The following MADD variants were observed in gnomAD, a reference collection of about 807,000 sequenced individuals.
MADD encodes MAP kinase activating death domain, also known as MAP kinase-activating death domain protein.
Under a neutral mutation model 176.7 loss-of-function variants are expected in MADD, and 109 were observed. The observed-to-expected ratio is 0.62, with a 90% CI of 0.53 to 0.72. The LOEUF is 0.72. Among genes scored for constraint, MADD ranks in the 30% least tolerant of loss-of-function variants. The pLI is 0.00. For missense variants in MADD, 1,914 were observed against 2,045.5 expected (o/e 0.94, Z 1.24); for synonymous variants, 771 against 771.3 (o/e 1.00, Z 0.01).
chr11:47,322,613 AAAG>A (rs1159039184), intron 27 of MADD, among the ~76,000 whole-genome samples: 8 of 152,284 alleles, frequency 5.3e-5, no homozygotes, highest in South Asian at 4.1e-4. Flanking sequence ...TCCGTCTCAA[AAAG>A]AAGAACAGAT....
At chr11:47,280,667 C>T (rs1199029778) in intron 7 of MADD, among the ~76,000 whole-genome samples, 2 of 152,160 alleles carry the variant, frequency 1.3e-5, no homozygotes, top group Non-Finnish European at 2.9e-5. Flanking sequence ...CAAGTTCAAG[C>T]GAATCTCTTG....
At chr11:47,326,519 C>T in intron 30 of MADD, 25 bp from the exon 34 acceptor site, 2 of 1,367,118 alleles carry the variant, frequency 1.5e-6, no homozygotes, top group Non-Finnish European at 1.9e-6. Flanking sequence ...CTTCATTTCT[C>T]TCCCATGCTT....
Position 47,293,905 on chromosome 11 carries a change from CTT to C in MADD, c.3326_3327del (p.Phe1109Ter), listed in dbSNP as rs745377729. The stretch of plus-strand genomic sequence containing the variant: ...CAGGGCCTGAAGTAATCAAACCTGT[CTT>C]TGACCTTGGTGAGACAGAGGAGAAA... On this transcript the variant is annotated frameshift_variant, in exon 20 of 33. Transcript: ENST00000402192. LOFTEE classifies it high-confidence loss of function. 2 of 1,613,966 alleles carry C rather than the reference CTT, an allele frequency of 1.2e-6. No homozygotes were observed. The highest frequency in any genetic ancestry group is 3.3e-5 in the Admixed American group (2 of 60,006).
At chr11:47,275,040 C>G (rs746204558) in exon 3 of MADD, 9 of 1,614,260 alleles carry the variant, frequency 5.6e-6, no homozygotes, top group Non-Finnish European at 7.6e-6. Context: ...TGTGCGTGCT[C>G]AGCCACTACC....
chr11:47,316,157 GCGCGCACACACA>G (rs954268523), intron 27 of MADD, among the ~76,000 whole-genome samples: 10 of 127,492 alleles, frequency 7.8e-5, no homozygotes, highest in East Asian at 3.5e-4. Flanking sequence ...ATACACGTGC[GCGCGCACACACA>G]CGCGCACACA....
At chr11:47,281,381 G>C (rs945777826) in intron 7 of MADD, among the ~76,000 whole-genome samples, 194 bp from the exon 8 acceptor site, 2 of 152,222 alleles carry the variant, frequency 1.3e-5, no homozygotes, top group Non-Finnish European at 2.9e-5. Context: ...AGAATATTGG[G>C]ATTTTTATTT....
exon 3 of MADD, chr11:47,274,644 G>T (rs769959099): frequency 1.2e-6 from 2 of 1,614,180 alleles, no homozygotes; most frequent in South Asian, 2.2e-5. Context: ...AGTTTCCCCT[G>T]CCCCCAGATG....
intron 19 of MADD, among the ~76,000 whole-genome samples, chr11:47,292,266 C>CT (rs1189889580): frequency 6.6e-6 from 1 of 152,114 alleles, no homozygotes; most frequent in Non-Finnish European, 1.5e-5. Flanking sequence ...AATGAAGGAG[C>CT]TTTGTTAAGG....
exon 22 of MADD, chr11:47,295,955 G>C (rs1299887686): frequency 3.1e-6 from 5 of 1,614,096 alleles, no homozygotes; most frequent in Non-Finnish European, 4.2e-6. Flanking sequence ...AGCAATGCAG[G>C]TGATGGACCA....
At chr11:47,319,318 A>G (rs2093926131) in intron 27 of MADD, among the ~76,000 whole-genome samples, 1 of 151,816 alleles carries the variant, frequency 6.6e-6, no homozygotes, top group Non-Finnish European at 1.5e-5. Context: ...TTTTTAGCAG[A>G]GATGGGGTTT....
chr11:47,286,335 T>C, intron 14 of MADD, 98 bp from the exon 15 acceptor site: 1 of 791,698 alleles, frequency 1.3e-6, no homozygotes, highest in South Asian at 1.5e-5. Context: ...TGGGATTGTG[T>C]TTGAAAAGGA....
intron 26 of MADD, among the ~76,000 whole-genome samples, chr11:47,314,871 A>G (rs994918705): frequency 1.3e-5 from 2 of 151,938 alleles, no homozygotes. Context: ...TTTTGAAAAT[A>G]TAGTTATTTT....
At chr11:47,307,949 G>T (rs191849102) in intron 22 of MADD, among the ~76,000 whole-genome samples, 6 of 152,302 alleles carry the variant, frequency 3.9e-5, no homozygotes, top group Admixed American at 3.9e-4. Context: ...GATTACAGGC[G>T]TGAGCCACTG....
intron 1 of MADD, among the ~76,000 whole-genome samples, chr11:47,271,555 A>G (rs1053843349): frequency 3.3e-5 from 5 of 152,162 alleles, no homozygotes; most frequent in African/African-American, 1.2e-4. Context: ...GAGAGGCCTG[A>G]TGCGTACTCA....
chr11:47,285,619 C>T, intron 14 of MADD, 29 bp downstream of exon 14: 1 of 1,613,224 alleles, frequency 6.2e-7, no homozygotes, highest in Non-Finnish European at 8.5e-7. Context: ...CTCTCTCACT[C>T]CTGTGTTCCA....
chr11:47,278,201 C>G (rs547529450), exon 6 of MADD: 36 of 1,614,006 alleles, frequency 2.2e-5, no homozygotes, highest in Non-Finnish European at 3.1e-5. Context: ...CATTGGGGTT[C>G]CTGCCAGCTT....
At chr11:47,327,192 G>A (rs975658945) in intron 31 of MADD, 24 of 1,007,316 alleles carry the variant, frequency 2.4e-5, no homozygotes, top group Non-Finnish European at 2.7e-5. Flanking sequence ...AGCCCAGTGC[G>A]CTAGCCAGCC....
chr11:47,286,444 C>T lies in MADD; in HGVS notation c.2563C>T (p.Arg855Trp), dbSNP rs144471266. The T allele has an allele frequency of 8.1e-6, 13 of 1,613,732 alleles. No individual in the cohort carries two copies. The Admixed American group carries it at 1.2e-4, about 14-fold the overall frequency. Residue 855 changes from arginine (R) to tryptophan (W), a missense_variant, in exon 15 of 33, where the codon CGG becomes TGG. Transcript: ENST00000402192. ...CCTCCCCTTGATAGGCAGCCTCTAT[C>T]GGAACCACAGTACCAGCTTCAGTCT...
chr11:47,300,206 CTTTTT>C (rs777080143), intron 22 of MADD, among the ~76,000 whole-genome samples: 1 of 130,378 alleles, frequency 7.7e-6, no homozygotes, highest in Non-Finnish European at 1.7e-5. Context: ...TTTTTTCTTT[CTTTTT>C]TTTTTTTTTT....
Sources: gnomAD v4.1 joint callset for allele counts (sites outside exome capture counted in the v4.1 genomes callset) on GRCh38, gnomAD v4.1.1 for gene constraint, MANE v1.5 for transcripts, NCBI Gene and HGNC (gene_info 2026-07-23, HGNC 2026-07-21) for gene names.